Variants in ATF7IP2 observed in about 807,000 individuals in gnomAD.
ATF7IP2 encodes the protein activating transcription factor 7 interacting protein 2.
ATF7IP2 carries 42 observed loss-of-function variants against 64.2 expected under a neutral mutation model. That is an observed-to-expected ratio of 0.65 (90% confidence interval 0.51 to 0.85). The LOEUF (loss-of-function observed/expected upper bound fraction) is 0.85, where lower values mean the gene tolerates loss of function less well. Among genes scored for constraint, ATF7IP2 ranks in the 40% least tolerant of loss-of-function variants. The probability of loss-of-function intolerance (pLI) is 0.00; values close to 1 mark genes in which losing one functional copy is unlikely to be tolerated. For missense variants in ATF7IP2, 933 were observed against 784.2 expected (o/e 1.19, Z -2.27); for synonymous variants, 308 against 272.8 (o/e 1.13, Z -1.27).
At chr16:10,471,384 C>T (rs919750544) in intron 9 of ATF7IP2, among the ~76,000 whole-genome samples, 8 of 152,030 alleles carry the variant, frequency 5.3e-5, no homozygotes, top group African/African-American at 1.2e-4. Context: ...AAAAATTAGC[C>T]GGGCATGGTG....
rs577846133 is a variant in ATF7IP2 at position 10,400,038 on chromosome 16, T to TTTTA, written c.-242+13932_-242+13935dup. 3.9e-4 allele frequency among the ~76,000 whole-genome samples: 59 copies of TTTTA among 152,198 alleles called. No individual in the cohort carries two copies. The South Asian group carries it at 0.011, about 29-fold the overall frequency. ...GCTACACATTTTAATTTGTTGATTA[T>TTTTA]TTTATTTATTTATTTATTTTGAGAG... On this transcript the variant is annotated intron_variant, in intron 1 of 13. Transcript: ENST00000562102.
chr16:10,445,430 A>C (rs2048767699), intron 8 of ATF7IP2: 2 of 152,202 alleles, frequency 1.3e-5, no homozygotes, highest in African/African-American at 4.8e-5. Flanking sequence ...TATTTCCTTG[A>C]CTTTCAAAAG....
intron 1 of ATF7IP2, among the ~76,000 whole-genome samples, chr16:10,396,645 G>A (rs1363126691): frequency 2.6e-5 from 4 of 151,648 alleles, no homozygotes; most frequent in African/African-American, 7.3e-5. Context: ...ACCTCAGCCT[G>A]TTTTTGTTGT....
chr16:10,403,191 G>T (rs2047568999), intron 1 of ATF7IP2, among the ~76,000 whole-genome samples: 1 of 152,140 alleles, frequency 6.6e-6, no homozygotes, highest in Non-Finnish European at 1.5e-5. Flanking sequence ...TGGCCTGGAG[G>T]TCAGCCCACA....
chr16:10,431,096 A>T lies in ATF7IP2; in HGVS notation c.476A>T (p.Glu159Val), dbSNP rs1262451874. ...GTAACAAGATCCCTTTTTGAGCATGAGGGGGCTTGTAGTCTAAAGTCCAGT... is the reference window on the plus strand; with the variant it reads ...GTAACAAGATCCCTTTTTGAGCATGTGGGGGCTTGTAGTCTAAAGTCCAGT... ...TNVTRSLFEH[E>V]GACSLKSSCC... The change falls in exon 5 of 14, where the codon GAG becomes GTG. Residue 159 changes from glutamate to valine, a missense_variant. By Grantham distance (121) the Glu-to-Val change is moderately radical. Transcript: ENST00000562102. 6.2e-7 allele frequency: 1 copy of T among 1,614,114 alleles called. No individual in the cohort carries two copies. The highest frequency in any genetic ancestry group is 1.7e-5 in the Admixed American group (1 of 60,018).
chr16:10,457,087 G>A lies in ATF7IP2; in HGVS notation c.1195-285G>A, dbSNP rs145827699. 2.4e-3 allele frequency among the ~76,000 whole-genome samples: 364 copies of A among 152,232 alleles called. 1 individual carries two copies. Among genetic ancestry groups the A allele is most frequent in the African/African-American group, 8.3e-3 (346 of 41,542 alleles). On this transcript the variant is annotated intron_variant, in intron 8 of 13. Coordinates refer to ENST00000562102, the MANE Select transcript of ATF7IP2 (RefSeq NM_001393719.1). The stretch of plus-strand genomic sequence containing the variant: ...AGTGTTTATTAGTTCCTAAAAGTTA[G>A]TCTAATAGGAATAAAGTGTTGTCTA...
intron 9 of ATF7IP2, among the ~76,000 whole-genome samples, chr16:10,468,516 G>T (rs117559300): frequency 0.013 from 2,034 of 152,298 alleles, 65 homozygotes; most frequent in East Asian, 0.13. Context: ...CCAGCTTCCT[G>T]CCTGGAGGCA....
At chr16:10,428,342 C>T (rs1567447353) in intron 3 of ATF7IP2, among the ~76,000 whole-genome samples, 5 of 152,220 alleles carry the variant, frequency 3.3e-5, no homozygotes, top group African/African-American at 7.2e-5. Context: ...AATTTCAGCA[C>T]GTTTTACTAA....
At chr16:10,443,522 T>C (rs1449269428) in intron 8 of ATF7IP2, among the ~76,000 whole-genome samples, 2 of 152,212 alleles carry the variant, frequency 1.3e-5, no homozygotes, top group Non-Finnish European at 1.5e-5. Context: ...TTGTTGAGAG[T>C]GCAAACAGAA....
intron 13 of ATF7IP2, 58 bp downstream of exon 13, chr16:10,481,022 T>G: frequency 3.9e-6 from 5 of 1,271,180 alleles, no homozygotes; most frequent in Non-Finnish European, 5.7e-6. Flanking sequence ...GGGAAGTAGC[T>G]ATGTTACTCT....
chr16:10,469,232 C>G (rs1003246380), intron 9 of ATF7IP2, among the ~76,000 whole-genome samples: 1 of 151,912 alleles, frequency 6.6e-6, no homozygotes, highest in Non-Finnish European at 1.5e-5. Context: ...GCCAATATAT[C>G]AGTGAAAGAG....
chr16:10,412,079 G>A (rs1275343616), intron 1 of ATF7IP2, among the ~76,000 whole-genome samples: 1 of 128,494 alleles, frequency 7.8e-6, no homozygotes, highest in South Asian at 2.4e-4. Context: ...CAAGGTACAG[G>A]TTTGTTACAT....
At chr16:10,387,091 C>G (rs1457229727) in intron 1 of ATF7IP2, 2 of 152,134 alleles carry the variant, frequency 1.3e-5, no homozygotes, top group East Asian at 3.8e-4. Flanking sequence ...AATTGTTATT[C>G]TAGATTGCGA....
rs762818489 is a variant in ATF7IP2 at position 10,416,663 on chromosome 16, G to T, written c.-203+2051G>T. 5.3e-5 allele frequency among the ~76,000 whole-genome samples: 8 copies of T among 152,252 alleles called. No individual in the cohort carries two copies. In the Middle Eastern group the frequency reaches 0.017, roughly 324 times the overall value. ...ACAAAAGTTAGCCTGGTGTGGTAGTGATGGGCACCTGTAATCCCTGCTACT... is the reference window on the plus strand; with the variant it reads ...ACAAAAGTTAGCCTGGTGTGGTAGTTATGGGCACCTGTAATCCCTGCTACT... On this transcript the variant is annotated intron_variant, in intron 2 of 13. Transcript: ENST00000562102.
intron 9 of ATF7IP2, 146 bp downstream of exon 9, chr16:10,457,675 C>A: frequency 1.6e-6 from 1 of 633,356 alleles, no homozygotes; most frequent in South Asian, 3.4e-5. Flanking sequence ...ACATATTATA[C>A]TTCAGTTGTG....
intron 8 of ATF7IP2, among the ~76,000 whole-genome samples, chr16:10,440,696 T>C (rs961878956): frequency 1.6e-4 from 24 of 152,188 alleles, no homozygotes; most frequent in African/African-American, 5.5e-4. Flanking sequence ...AAGATTGGCT[T>C]CCCCCACCCC....
chr16:10,458,226 C>G lies in ATF7IP2; in HGVS notation c.1352+697C>G, dbSNP rs534814047. Among the ~76,000 whole-genome samples, 5 of 152,278 alleles carry G rather than the reference C, an allele frequency of 3.3e-5. No individual in the cohort carries two copies. The South Asian group carries it at 1.0e-3, about 32-fold the overall frequency. On this transcript the variant is annotated intron_variant, in intron 9 of 13. Coordinates refer to ENST00000562102, the MANE Select transcript of ATF7IP2 (RefSeq NM_001393719.1). ...ACCCTTCAGGAGATGCCCTAATATTCTGTAATATTGGGCCCACATTTTAGT... is the reference window on the plus strand; with the variant it reads ...ACCCTTCAGGAGATGCCCTAATATTGTGTAATATTGGGCCCACATTTTAGT...
chr16:10,407,096 T>C (rs1346641582), intron 1 of ATF7IP2, among the ~76,000 whole-genome samples: 1 of 152,220 alleles, frequency 6.6e-6, no homozygotes, highest in East Asian at 1.9e-4. Flanking sequence ...ATCAATGTGA[T>C]ACATTATATC....
intron 1 of ATF7IP2, among the ~76,000 whole-genome samples, chr16:10,393,679 C>G (rs2047372028): frequency 6.6e-6 from 1 of 152,080 alleles, no homozygotes; most frequent in Non-Finnish European, 1.5e-5. Flanking sequence ...CATCTTTGAC[C>G]TAGGATATTT....
Sources: allele counts gnomAD v4.1 joint callset (sites outside exome capture counted in the v4.1 genomes callset), GRCh38; gene constraint gnomAD v4.1.1; transcripts MANE v1.5; gene names NCBI Gene and HGNC (gene_info 2026-07-23, HGNC 2026-07-21).